Variants in MALRD1 observed in about 807,000 individuals in gnomAD.
MALRD1 encodes the protein MAM and LDL-receptor class A domain-containing protein 1.
Under a neutral mutation model 242.1 loss-of-function variants are expected in MALRD1, and 247 were observed. The ratio of observed to expected loss-of-function variants is 1.02; its 90% CI spans 0.92 to 1.13. MALRD1 has a LOEUF of 1.13. Among genes scored for constraint, MALRD1 ranks in the 50% most tolerant of loss-of-function variants. The probability of loss-of-function intolerance (pLI) is 0.00; values close to 1 mark genes in which losing one functional copy is unlikely to be tolerated. For synonymous variants in MALRD1, 995 were observed against 866.6 expected (o/e 1.15, Z -2.60); for missense variants, 2,989 against 2,533.1 (o/e 1.18, Z -3.86).
At chr10:19,494,389 A>T (rs950979206) in intron 30 of MALRD1, among the ~76,000 whole-genome samples, 4 of 152,200 alleles carry the variant, frequency 2.6e-5, no homozygotes, top group Non-Finnish European at 4.4e-5. Context: ...TCTGTTCTCC[A>T]AAGGACTGTG....
intron 33 of MALRD1, among the ~76,000 whole-genome samples, chr10:19,584,336 T>C (rs1837283978): frequency 6.6e-6 from 1 of 152,204 alleles, no homozygotes; most frequent in Admixed American, 6.5e-5. Flanking sequence ...ATTTTGGATC[T>C]TTTCTGCTTT....
At chr10:19,527,910 G>C (rs781581978) in intron 31 of MALRD1, among the ~76,000 whole-genome samples, 2 of 152,112 alleles carry the variant, frequency 1.3e-5, no homozygotes, top group East Asian at 3.9e-4. Flanking sequence ...GAGAAATCCA[G>C]ATATTCTTAT....
chr10:19,124,011 G>A (rs559665105), intron 6 of MALRD1, among the ~76,000 whole-genome samples: 1 of 141,614 alleles, frequency 7.1e-6, no homozygotes, highest in South Asian at 2.2e-4. Flanking sequence ...CTCAAAATTA[G>A]CCTGGGCAAT....
intron 36 of MALRD1, among the ~76,000 whole-genome samples, chr10:19,661,874 GA>G (rs1483111826): frequency 6.6e-6 from 1 of 151,974 alleles, no homozygotes; most frequent in African/African-American, 2.4e-5. Context: ...ACAAACCAAG[GA>G]AAACAGCCTT....
intron 33 of MALRD1, among the ~76,000 whole-genome samples, chr10:19,585,605 T>G (rs548479713): frequency 6.6e-6 from 1 of 152,360 alleles, no homozygotes; most frequent in South Asian, 2.1e-4. Flanking sequence ...GCTGTTATTC[T>G]GATGGGCTTC....
At chr10:19,682,652 G>A (rs374655071) in intron 36 of MALRD1, among the ~76,000 whole-genome samples, 37 of 152,228 alleles carry the variant, frequency 2.4e-4, no homozygotes, top group Middle Eastern at 3.4e-3. Flanking sequence ...GAATTTTAGC[G>A]CTTTGTGGCT....
chr10:19,224,898 A>G (rs1257800435), intron 18 of MALRD1, among the ~76,000 whole-genome samples: 1 of 152,160 alleles, frequency 6.6e-6, no homozygotes, highest in East Asian at 1.9e-4. Flanking sequence ...TGTTTTAGTC[A>G]TGAAGTCTTT....
intron 28 of MALRD1, among the ~76,000 whole-genome samples, chr10:19,404,644 G>A (rs1847010766): frequency 6.6e-6 from 1 of 152,018 alleles, no homozygotes; most frequent in Admixed American, 6.6e-5. Context: ...ATCCATAATA[G>A]AGTCACTTTG....
At chr10:19,462,648 AT>A (rs1836003982) in intron 29 of MALRD1, among the ~76,000 whole-genome samples, 1 of 152,258 alleles carries the variant, frequency 6.6e-6, no homozygotes, top group South Asian at 2.1e-4. Context: ...AGAACATGAT[AT>A]TTTGCATTCA....
At chr10:19,494,288 C>T (rs1182027474) in intron 30 of MALRD1, among the ~76,000 whole-genome samples, 2 of 141,836 alleles carry the variant, frequency 1.4e-5, no homozygotes, top group Non-Finnish European at 3.1e-5. Context: ...TGACTGTACT[C>T]AATCTACACT....
At chr10:19,653,182 C>G (rs1335175288) in intron 36 of MALRD1, among the ~76,000 whole-genome samples, 2 of 151,846 alleles carry the variant, frequency 1.3e-5, no homozygotes, top group South Asian at 2.1e-4. Context: ...TTGCTGATTT[C>G]TCTTTTATAT....
intron 21 of MALRD1, among the ~76,000 whole-genome samples, chr10:19,309,703 G>A (rs968185983): frequency 6.6e-6 from 1 of 151,452 alleles, no homozygotes; most frequent in African/African-American, 2.4e-5. Context: ...TGTAAAAACA[G>A]GGATCAATGA....
At chr10:19,444,711 A>G (rs563208687) in intron 28 of MALRD1, among the ~76,000 whole-genome samples, 4 of 152,256 alleles carry the variant, frequency 2.6e-5, no homozygotes, top group Non-Finnish European at 4.4e-5. Flanking sequence ...TTCGTGGGTA[A>G]CCCAACCTTT....
intron 34 of MALRD1, among the ~76,000 whole-genome samples, chr10:19,602,799 G>C (rs868315498): frequency 1.3e-5 from 2 of 152,026 alleles, no homozygotes; most frequent in African/African-American, 4.8e-5. Context: ...TGAACTAGTT[G>C]ACAGTCCCAC....
rs960343483 is a variant in MALRD1, at chr10:19,447,332, T to C, written c.4846-2975T>C. Among the ~76,000 whole-genome samples, 2 of 152,138 alleles carry C rather than the reference T, an allele frequency of 1.3e-5. 1 individual carries two copies. The highest frequency in any genetic ancestry group is 2.9e-5 in the Non-Finnish European group (2 of 68,024). ...TCCACATTTAGATGAGTATTTTTGT[T>C]AGTTATAGGGATAACATTTGATATT... On this transcript the variant is annotated intron_variant, in intron 28 of 39. Transcript: ENST00000454679.
chr10:19,589,957 C>G (rs1373881195), intron 33 of MALRD1, among the ~76,000 whole-genome samples: 1 of 152,154 alleles, frequency 6.6e-6, no homozygotes, highest in African/African-American at 2.4e-5. Context: ...CCCAAGGAAG[C>G]TAACTACTGT....
intron 28 of MALRD1, among the ~76,000 whole-genome samples, chr10:19,431,536 G>A (rs1011204992): frequency 1.3e-5 from 2 of 152,112 alleles, no homozygotes; most frequent in Admixed American, 6.5e-5. Flanking sequence ...CTGTTAGATA[G>A]TATTGGTTTT....
intron 31 of MALRD1, among the ~76,000 whole-genome samples, chr10:19,516,716 A>ACCTCCCTC (rs10680551): frequency 2.5e-4 from 30 of 121,556 alleles, no homozygotes; most frequent in Middle Eastern, 4.5e-3. Flanking sequence ...TCCCTTGCTT[A>ACCTCCCTC]CCTCCCTCCC....
At chr10:19,573,790 C>A (rs182346118) in intron 33 of MALRD1, among the ~76,000 whole-genome samples, 4 of 152,016 alleles carry the variant, frequency 2.6e-5, no homozygotes, top group Non-Finnish European at 5.9e-5. Context: ...TCCATTGAAA[C>A]ATGCTGCATC....
Sources: gnomAD v4.1 joint callset for allele counts (sites outside exome capture counted in the v4.1 genomes callset) on GRCh38, gnomAD v4.1.1 for gene constraint, MANE v1.5 for transcripts, NCBI Gene and HGNC (gene_info 2026-07-23, HGNC 2026-07-21) for gene names.